Variants in CPSF7 observed in about 807,000 individuals in gnomAD.
CPSF7 encodes the protein cleavage and polyadenylation specific factor 7.
Under a neutral mutation model 44.3 loss-of-function variants are expected in CPSF7, and 1 was observed. The ratio of observed to expected loss-of-function variants is 0.02; its 90% confidence interval spans 0.01 to 0.11. The LOEUF (loss-of-function observed/expected upper bound fraction) is 0.11. Among genes scored for constraint, CPSF7 ranks in the 10% least tolerant of loss-of-function variants. CPSF7 has a pLI of 1.00. For missense variants in CPSF7, 443 were observed against 607.2 expected, an observed-to-expected ratio of 0.73 and a Z score of 2.84; for synonymous variants, 202 against 222.0, an observed-to-expected ratio of 0.91 and a Z score of 0.80.
chr11:61,429,127 A>C (rs984329620), intron 2 of CPSF7, 55 bp downstream of exon 2: 6 of 1,059,256 alleles, frequency 5.7e-6, no homozygotes, highest in Admixed American at 5.2e-5. Context: ...CAGTTTGCTG[A>C]AAATGATTCC....
chr11:61,427,576 C>T (rs1205040792), intron 2 of CPSF7, among the ~76,000 whole-genome samples: 2 of 151,104 alleles, frequency 1.3e-5, no homozygotes, highest in African/African-American at 4.9e-5. Context: ...TCACTTTAAC[C>T]TGGGAGGCAG....
intron 2 of CPSF7, among the ~76,000 whole-genome samples, chr11:61,423,692 G>GT (rs149508180): frequency 0.013 from 1,984 of 152,272 alleles, 50 homozygotes; most frequent in African/African-American, 0.045. Context: ...TGAAGAAACA[G>GT]TTTCTCCAAG....
intron 5 of CPSF7, among the ~76,000 whole-genome samples, chr11:61,417,135 T>C (rs1860412913): frequency 6.6e-6 from 1 of 151,934 alleles, no homozygotes; most frequent in African/African-American, 2.4e-5. Flanking sequence ...TAAGAAAAAT[T>C]GGGAGATACG....
intron 2 of CPSF7, among the ~76,000 whole-genome samples, chr11:61,423,037 G>A (rs1861027389): frequency 7.1e-6 from 1 of 140,666 alleles, no homozygotes; most frequent in South Asian, 2.2e-4. Flanking sequence ...AGAGGCAGAA[G>A]GATCACTCGA....
intron 1 of CPSF7, 134 bp downstream of exon 1, chr11:61,429,780 T>TC (rs1427280771): frequency 6.5e-7 from 1 of 1,543,620 alleles, no homozygotes; most frequent in African/African-American, 1.4e-5. Flanking sequence ...CTCTGCCTCC[T>TC]CCCTCAAAAG....
chr11:61,412,270 G>C (rs1859919110), intron 7 of CPSF7, among the ~76,000 whole-genome samples: 2 of 151,732 alleles, frequency 1.3e-5, no homozygotes, highest in South Asian at 4.2e-4. Context: ...ATGTTTAACA[G>C]TGTTTTAGTG....
intron 1 of CPSF7, 106 bp downstream of exon 1, chr11:61,429,808 C>T (rs958578252): frequency 6.0e-5 from 93 of 1,548,496 alleles, no homozygotes; most frequent in Non-Finnish European, 7.9e-5. Context: ...ACTCCCTCCG[C>T]CCGCAGACTC....
intron 9 of CPSF7, among the ~76,000 whole-genome samples, chr11:61,406,478 G>A (rs1391721351): frequency 6.6e-6 from 1 of 152,164 alleles, no homozygotes; most frequent in East Asian, 1.9e-4. Context: ...AGTCCTTAGG[G>A]TGAGAATGTA....
intron 5 of CPSF7, among the ~76,000 whole-genome samples, chr11:61,416,875 A>G (rs1449525843): frequency 6.6e-6 from 1 of 152,170 alleles, no homozygotes; most frequent in African/African-American, 2.4e-5. Context: ...GTTCAGGTGA[A>G]TTGCAGTTGA....
rs114423175 is a variant in CPSF7, at chr11:61,416,569, C to T, written c.524-50G>A. On this transcript the variant is annotated intron_variant, in intron 5 of 9. Transcript: ENST00000439958. ...TTACTGCCCAGGCTTTACACAAACC[C>T]ACAGGACCAGTTCATCCTTCAGAAG... 8.5e-3 allele frequency: 13,326 copies of T among 1,572,934 alleles called. 646 individuals carry two copies. The African/African-American group carries it at 0.12, about 14-fold the overall frequency.
At chr11:61,414,107 T>A (rs1321496368) in intron 7 of CPSF7, among the ~76,000 whole-genome samples, 1 of 151,886 alleles carries the variant, frequency 6.6e-6, no homozygotes, top group Admixed American at 6.6e-5. Flanking sequence ...TTAACCCATA[T>A]AACCCATGGG....
chr11:61,405,765 G>A (rs1435406130), intron 9 of CPSF7, among the ~76,000 whole-genome samples: 1 of 152,110 alleles, frequency 6.6e-6, no homozygotes, highest in Non-Finnish European at 1.5e-5. Context: ...AGACATCTAC[G>A]TCCTCCCTGA....
intron 9 of CPSF7, among the ~76,000 whole-genome samples, chr11:61,410,080 C>G (rs951287548): frequency 3.9e-5 from 6 of 152,168 alleles, no homozygotes; most frequent in Admixed American, 3.9e-4. Flanking sequence ...GGATTACAGG[C>G]ATGAGGCACC....
chr11:61,429,079 T>C, intron 2 of CPSF7, 103 bp downstream of exon 2: 1 of 671,742 alleles, frequency 1.5e-6, no homozygotes, highest in South Asian at 1.7e-5. Context: ...GATAGACGCG[T>C]GTTCAAGCCT....
intron 2 of CPSF7, among the ~76,000 whole-genome samples, chr11:61,426,255 T>C (rs1861327992): frequency 6.6e-6 from 1 of 152,246 alleles, no homozygotes; most frequent in African/African-American, 2.4e-5. Flanking sequence ...CTTAAAACAT[T>C]CTAAAACACA....
intron 8 of CPSF7, among the ~76,000 whole-genome samples, chr11:61,411,361 C>T (rs1446318720): frequency 6.6e-6 from 1 of 152,166 alleles, no homozygotes; most frequent in Non-Finnish European, 1.5e-5. Context: ...CTAATCTTTA[C>T]AACAGGTCTG....
chr11:61,428,404 T>A (rs1010215593), intron 2 of CPSF7, among the ~76,000 whole-genome samples: 1 of 152,152 alleles, frequency 6.6e-6, no homozygotes, highest in South Asian at 2.1e-4. Flanking sequence ...CTGGCTGGTA[T>A]TGAACTTCTG....
intron 1 of CPSF7, 163 bp downstream of exon 1, chr11:61,429,751 A>C: frequency 6.5e-7 from 1 of 1,541,764 alleles, no homozygotes; most frequent in Non-Finnish European, 8.7e-7. Context: ...CTCCCTCCCG[A>C]CAAACCCGGC....
intron 5 of CPSF7, among the ~76,000 whole-genome samples, chr11:61,417,712 T>C (rs958973014): frequency 7.2e-5 from 11 of 152,202 alleles, no homozygotes; most frequent in Non-Finnish European, 1.6e-4. Flanking sequence ...TCTCTCAAAC[T>C]GAAGAACAAA....
Sources: gnomAD v4.1 joint callset for allele counts (sites outside exome capture counted in the v4.1 genomes callset) on GRCh38, gnomAD v4.1.1 for gene constraint, MANE v1.5 for transcripts, NCBI Gene and HGNC (gene_info 2026-07-23, HGNC 2026-07-21) for gene names.